RFTN2: variants seen among roughly 807,000 people sequenced by gnomAD.
RFTN2 encodes the protein raftlin-2.
RFTN2 carries 34 observed loss-of-function variants against 52.7 expected under a neutral mutation model. The observed-to-expected ratio is 0.64, with a 90% confidence interval of 0.49 to 0.86. The LOEUF (loss-of-function observed/expected upper bound fraction) is 0.86. Ranked by LOEUF, RFTN2 falls within the 40% of genes least tolerant of loss-of-function variation. The pLI is 0.00. For synonymous variants in RFTN2, 203 were observed against 217.7 expected, an observed-to-expected ratio of 0.93 and a Z score of 0.59; for missense variants, 536 against 600.1, an observed-to-expected ratio of 0.89 and a Z score of 1.12.
intron 1 of RFTN2, among the ~76,000 whole-genome samples, chr2:197,651,664 A>T (rs1254251672): frequency 1.3e-5 from 2 of 152,200 alleles, no homozygotes; most frequent in Admixed American, 1.3e-4. Context: ...ATCATTGCCA[A>T]GTACAGTGTC....
intron 8 of RFTN2, among the ~76,000 whole-genome samples, chr2:197,582,559 GC>G (rs970017159): frequency 6.6e-6 from 1 of 152,078 alleles, no homozygotes; most frequent in African/African-American, 2.4e-5. Context: ...CTACCACTCT[GC>G]CCCCCTCCAC....
At position 197,644,182 on chromosome 2, in the gene RFTN2, G is replaced by A. The variant is rs200976367; in HGVS notation, c.414C>T (p.Asp138=). 464 of 1,608,798 alleles carry A rather than the reference G, an allele frequency of 2.9e-4. No homozygotes were observed. The highest frequency in any genetic ancestry group is 6.6e-4 in the South Asian group (60 of 90,960). The change falls in exon 3 of 9, where the codon GAC becomes GAT. Residue 138 remains aspartate (D), a synonymous_variant. Coordinates refer to ENST00000295049, the MANE Select transcript of RFTN2 (RefSeq NM_144629.3). ...CPLTSEAQTN[D]AAKELIEKIN... is the part of the protein sequence containing the mutation. ...CCTTTTCTATCAGTTCTTTTGCTGC[G>A]TCATTTGTTTGTGCCTCAGAAGTTA...
At chr2:197,582,184 T>C (rs1006411210) in intron 8 of RFTN2, among the ~76,000 whole-genome samples, 3 of 152,216 alleles carry the variant, frequency 2.0e-5, no homozygotes, top group Admixed American at 2.0e-4. Context: ...CAAACTATGC[T>C]CAACTCACTC....
intron 8 of RFTN2, among the ~76,000 whole-genome samples, chr2:197,573,646 A>G (rs35611384): frequency 1.7e-3 from 258 of 152,392 alleles, no homozygotes; most frequent in Middle Eastern, 3.4e-3. Context: ...TGCATAAGTA[A>G]CAAGGAGCCA....
At chr2:197,674,313 A>G (rs1392332280) in intron 1 of RFTN2, among the ~76,000 whole-genome samples, 1 of 148,814 alleles carries the variant, frequency 6.7e-6, no homozygotes, top group African/African-American at 2.5e-5. Context: ...CTTCTTGCAC[A>G]AAGATGCACT....
chr2:197,668,009 T>TTTCAGTGATAGTGATGGGACAACC, intron 1 of RFTN2, among the ~76,000 whole-genome samples: 1 of 152,000 alleles, frequency 6.6e-6, no homozygotes, highest in South Asian at 2.1e-4. Flanking sequence ...GCATGGGTGA[T>TTTCAGTGATAGTGATGGGACAACC]TTCAGTGATA....
intron 1 of RFTN2, among the ~76,000 whole-genome samples, chr2:197,651,631 A>C (rs2088829398): frequency 6.6e-6 from 1 of 152,138 alleles, no homozygotes; most frequent in African/African-American, 2.4e-5. Context: ...AAACAAAAAC[A>C]AAAACAACAA....
chr2:197,583,863 T>C (rs1255686548), intron 8 of RFTN2, among the ~76,000 whole-genome samples: 1 of 151,926 alleles, frequency 6.6e-6, no homozygotes, highest in Non-Finnish European at 1.5e-5. Flanking sequence ...AAACTATGAG[T>C]GAGAACATGT....
At chr2:197,614,831 C>G (rs2088116132) in intron 7 of RFTN2, among the ~76,000 whole-genome samples, 1 of 152,180 alleles carries the variant, frequency 6.6e-6, no homozygotes, top group African/African-American at 2.4e-5. Context: ...TGTTATTTGA[C>G]AGATATGTCA....
At chr2:197,665,517 C>CTTTCTTTTT (rs373197868) in intron 1 of RFTN2, among the ~76,000 whole-genome samples, 1 of 41,496 alleles carries the variant, frequency 2.4e-5, no homozygotes, top group African/African-American at 1.4e-4. Flanking sequence ...TGTACCTTGC[C>CTTTCTTTTT]TTTTTTTTTT....
intron 1 of RFTN2, among the ~76,000 whole-genome samples, chr2:197,658,434 C>A (rs1187218848): frequency 1.4e-5 from 2 of 142,332 alleles, no homozygotes; most frequent in Non-Finnish European, 3.0e-5. Flanking sequence ...TGACACCATG[C>A]TAATATTTTG....
At chr2:197,624,078 T>A (rs1051297572) in intron 5 of RFTN2, among the ~76,000 whole-genome samples, 1 of 151,988 alleles carries the variant, frequency 6.6e-6, no homozygotes, top group Admixed American at 6.6e-5. Context: ...GGATTACAGG[T>A]GTGAGCTACA....
At position 197,595,893 on chromosome 2, in the gene RFTN2, TATC is replaced by T. The variant is rs750237066; in HGVS notation, c.1233+95_1233+97del. ...AGGTTGGTTCAGAGGACTGTTTCCA[TATC>T]ATGTCCACGCTTTCTTATTTGGAAT... On this transcript the variant is annotated intron_variant, in intron 8 of 8. Transcript: ENST00000295049. 1.7e-5 allele frequency: 14 copies of T among 820,612 alleles called. No individual in the cohort carries two copies. The Admixed American group carries it at 1.8e-4, about 10-fold the overall frequency. 50.8% of individuals were successfully genotyped at this position (820,612 alleles called of 1,614,324 possible).
intron 3 of RFTN2, among the ~76,000 whole-genome samples, chr2:197,635,703 T>C (rs1319179232): frequency 5.9e-4 from 88 of 150,424 alleles, no homozygotes; most frequent in African/African-American, 2.0e-3. Context: ...TTCACTCTGA[T>C]GGTAGTTTCT....
intron 5 of RFTN2, among the ~76,000 whole-genome samples, chr2:197,626,461 G>T (rs1008955651): frequency 6.6e-6 from 1 of 151,736 alleles, no homozygotes. Flanking sequence ...TTACTCGGGA[G>T]GCTGAGGTGG....
intron 1 of RFTN2, among the ~76,000 whole-genome samples, chr2:197,658,579 G>A (rs902952431): frequency 6.6e-6 from 1 of 151,858 alleles, no homozygotes; most frequent in African/African-American, 2.4e-5. Context: ...GAACCTCTGT[G>A]CCTGGCCCCT....
intron 8 of RFTN2, 59 bp from the exon 9 acceptor site, chr2:197,572,339 C>G: frequency 6.5e-7 from 1 of 1,543,910 alleles, no homozygotes; most frequent in South Asian, 1.1e-5. Flanking sequence ...TCCTGTCCCT[C>G]TGGTCTAGCA....
rs74843358 is a variant in RFTN2, at chr2:197,671,658, A to G, written c.139+3662T>C. ...TGCTAATCAGCATTTTTTACAGAGT[A>G]CAATTCCTGTTAATGGTGATGATGA... On this transcript the variant is annotated intron_variant, in intron 1 of 8. Transcript: ENST00000295049. Among the ~76,000 whole-genome samples, 173 of 152,344 alleles carry G rather than the reference A, an allele frequency of 1.1e-3. 2 individuals carry two copies. The East Asian group carries it at 0.031, about 28-fold the overall frequency.
At chr2:197,628,263 A>G (rs192939989) in intron 5 of RFTN2, among the ~76,000 whole-genome samples, 322 of 152,262 alleles carry the variant, frequency 2.1e-3, no homozygotes, top group Non-Finnish European at 3.2e-3. Flanking sequence ...GTGGCTTGTG[A>G]GGGGCTTGCC....
Sources: gnomAD v4.1 joint callset for allele counts (sites outside exome capture counted in the v4.1 genomes callset) on GRCh38, gnomAD v4.1.1 for gene constraint, MANE v1.5 for transcripts, NCBI Gene and HGNC (gene_info 2026-07-23, HGNC 2026-07-21) for gene names.